The following SEMA6D variants were observed in gnomAD, a reference collection of about 807,000 sequenced individuals.
The protein encoded by SEMA6D is semaphorin-6D.
SEMA6D carries 35 observed loss-of-function variants against 106.6 expected under a neutral mutation model. The ratio of observed to expected loss-of-function variants is 0.33; its 90% confidence interval spans 0.25 to 0.44. The LOEUF (loss-of-function observed/expected upper bound fraction) is 0.44, where lower values mean the gene tolerates loss of function less well. Ranked by LOEUF, SEMA6D falls within the 20% of genes least tolerant of loss-of-function variation. The pLI is 1.00. For missense variants in SEMA6D, 1,185 were observed against 1,345.9 expected (o/e 0.88, Z 1.87); for synonymous variants, 499 against 487.7 (o/e 1.02, Z -0.31).
intron 3 of SEMA6D, among the ~76,000 whole-genome samples, chr15:47,600,342 G>A (rs149142486): frequency 2.2e-3 from 334 of 152,108 alleles, no homozygotes; most frequent in African/African-American, 7.9e-3. Context: ...AGTGTTATAC[G>A]ACTGAACCTA....
intron 1 of SEMA6D, among the ~76,000 whole-genome samples, chr15:47,228,570 A>T (rs183445265): frequency 1.3e-5 from 2 of 152,168 alleles, no homozygotes; most frequent in African/African-American, 4.8e-5. Flanking sequence ...GTTACATTGC[A>T]GGTAACTCAG....
chr15:47,415,211 G>GCAATAA (rs2040924556), intron 2 of SEMA6D, among the ~76,000 whole-genome samples: 2 of 152,116 alleles, frequency 1.3e-5, no homozygotes, highest in East Asian at 3.9e-4. Flanking sequence ...ATTAAATTAT[G>GCAATAA]ATAACAACAA....
chr15:47,623,049 G>T (rs1349799594), intron 4 of SEMA6D, among the ~76,000 whole-genome samples: 1 of 152,144 alleles, frequency 6.6e-6, no homozygotes, highest in Non-Finnish European at 1.5e-5. Context: ...CTTTAAAACT[G>T]CCCTTCTCTT....
At chr15:47,251,175 G>A (rs550008353) in intron 1 of SEMA6D, among the ~76,000 whole-genome samples, 3 of 152,266 alleles carry the variant, frequency 2.0e-5, no homozygotes, top group African/African-American at 7.2e-5. Flanking sequence ...ACAGATTTCT[G>A]TAAGATAGAC....
chr15:47,186,663 T>C (rs1022561914), intron 1 of SEMA6D, among the ~76,000 whole-genome samples: 41 of 152,182 alleles, frequency 2.7e-4, no homozygotes, highest in African/African-American at 9.9e-4. Flanking sequence ...CATGTCCAAC[T>C]TAGTACAGGA....
intron 1 of SEMA6D, among the ~76,000 whole-genome samples, chr15:47,236,219 T>A (rs2066447819): frequency 6.6e-6 from 1 of 152,092 alleles, no homozygotes; most frequent in Non-Finnish European, 1.5e-5. Flanking sequence ...TCTTTTAATC[T>A]GCCATTTTCT....
intron 4 of SEMA6D, among the ~76,000 whole-genome samples, chr15:47,666,643 A>AT (rs1273724751): frequency 6.6e-6 from 1 of 152,086 alleles, no homozygotes; most frequent in African/African-American, 2.4e-5. Flanking sequence ...TTCTTACAGA[A>AT]TTTTTTTCTT....
At chr15:47,521,942 G>T (rs1360497948) in intron 3 of SEMA6D, among the ~76,000 whole-genome samples, 2 of 150,292 alleles carry the variant, frequency 1.3e-5, no homozygotes, top group African/African-American at 2.5e-5. Context: ...CCGAGATGGC[G>T]CCACTGCACT....
chr15:47,283,656 C>G (rs994958838), intron 1 of SEMA6D, among the ~76,000 whole-genome samples: 1 of 152,182 alleles, frequency 6.6e-6, no homozygotes, highest in African/African-American at 2.4e-5. Context: ...GTTGCCTCTA[C>G]TTTCCCACCA....
At chr15:47,634,289 C>A (rs1415402132) in intron 4 of SEMA6D, among the ~76,000 whole-genome samples, 3 of 152,148 alleles carry the variant, frequency 2.0e-5, no homozygotes, top group Non-Finnish European at 4.4e-5. Flanking sequence ...GCTGCTGACC[C>A]TTCCTAGCAA....
chr15:47,535,035 T>A (rs1596263809), intron 3 of SEMA6D, among the ~76,000 whole-genome samples: 1 of 142,524 alleles, frequency 7.0e-6, no homozygotes, highest in African/African-American at 2.6e-5. Flanking sequence ...TCAGGATCAG[T>A]CAAGCAGGAG....
chr15:47,276,799 T>A (rs1443901232), intron 1 of SEMA6D, among the ~76,000 whole-genome samples: 2 of 152,166 alleles, frequency 1.3e-5, no homozygotes, highest in African/African-American at 4.8e-5. Context: ...GTAAATAATT[T>A]TGTAAGGATA....
Position 47,774,162 on chromosome 15 carries a change from A to G in SEMA6D, c.*2377A>G, listed in dbSNP as rs559964593. ...AACTTGTATTGTGGATGTGTAAATAATATGTACTTTGGGTTTTTAACACCG... is the reference window on the plus strand; with the variant it reads ...AACTTGTATTGTGGATGTGTAAATAGTATGTACTTTGGGTTTTTAACACCG... On this transcript the variant is annotated 3_prime_UTR_variant, in exon 19 of 19. Transcript: ENST00000536845. 1 of 152,766 alleles carries G rather than the reference A, an allele frequency of 6.5e-6. No individual in the cohort carries two copies. The highest frequency in any genetic ancestry group is 2.4e-5 in the African/African-American group (1 of 41,578). The allele number at this position is 152,766 out of a possible 1,614,324, so 9.5% of individuals were successfully genotyped here. A position where few individuals can be genotyped will look rare whatever the true frequency, so the allele number is the denominator to read the frequency against.
intron 1 of SEMA6D, among the ~76,000 whole-genome samples, chr15:47,329,782 G>GT (rs2037272191): frequency 6.6e-6 from 1 of 152,154 alleles, no homozygotes; most frequent in African/African-American, 2.4e-5. Flanking sequence ...AACTATCTGT[G>GT]TTTTTTAACA....
intron 3 of SEMA6D, among the ~76,000 whole-genome samples, chr15:47,569,716 A>T (rs1474650695): frequency 6.6e-6 from 1 of 152,190 alleles, no homozygotes; most frequent in African/African-American, 2.4e-5. Context: ...GCAGTGAGGG[A>T]AATATACATA....
chr15:47,233,760 A>G (rs1489010164), intron 1 of SEMA6D, among the ~76,000 whole-genome samples: 1 of 151,902 alleles, frequency 6.6e-6, no homozygotes, highest in Non-Finnish European at 1.5e-5. Context: ...TTGTATGTCG[A>G]TTTTGTATCC....
At chr15:47,436,529 G>A (rs907856272) in intron 2 of SEMA6D, among the ~76,000 whole-genome samples, 11 of 150,448 alleles carry the variant, frequency 7.3e-5, no homozygotes, top group African/African-American at 1.9e-4. Context: ...ACTAATATAT[G>A]TATATATATA....
At chr15:47,552,907 A>T (rs1315393792) in intron 3 of SEMA6D, among the ~76,000 whole-genome samples, 241 of 22,172 alleles carry the variant, frequency 0.011, no homozygotes, top group South Asian at 0.018. Context: ...TATATATATA[A>T]ATATATATAT....
At chr15:47,319,823 C>A (rs1227738125) in intron 1 of SEMA6D, among the ~76,000 whole-genome samples, 1 of 152,090 alleles carries the variant, frequency 6.6e-6, no homozygotes, top group Non-Finnish European at 1.5e-5. Context: ...GTAAATCTCA[C>A]AATATTGTTC....
Sources: gnomAD v4.1 joint callset for allele counts (sites outside exome capture counted in the v4.1 genomes callset) on GRCh38, gnomAD v4.1.1 for gene constraint, MANE v1.5 for transcripts, NCBI Gene and HGNC (gene_info 2026-07-23, HGNC 2026-07-21) for gene names.